KIAA0586: variants seen among roughly 807,000 people sequenced by gnomAD.
KIAA0586 encodes the protein protein TALPID3.
A neutral mutation model predicts 169.8 loss-of-function variants in KIAA0586; 144 were observed. That is an observed-to-expected ratio of 0.85 (90% CI 0.74 to 0.97). The LOEUF (loss-of-function observed/expected upper bound fraction) is 0.97. Ranked by LOEUF, KIAA0586 falls within the 50% of genes least tolerant of loss-of-function variation. KIAA0586 has a pLI of 0.00. For synonymous variants in KIAA0586, 625 were observed against 612.4 expected, an observed-to-expected ratio of 1.02 and a Z score of -0.30; for missense variants, 1,854 against 1,823.0, an observed-to-expected ratio of 1.02 and a Z score of -0.31.
chr14:58,503,916 A>T (rs1302372059), intron 27 of KIAA0586, among the ~76,000 whole-genome samples: 5 of 152,152 alleles, frequency 3.3e-5, no homozygotes, highest in Non-Finnish European at 7.4e-5. Context: ...AAACCAGGTC[A>T]TGAAAAGCCC....
chr14:58,471,772 TGATTA>T (rs2041230796), intron 17 of KIAA0586, among the ~76,000 whole-genome samples: 1 of 152,168 alleles, frequency 6.6e-6, no homozygotes, highest in Admixed American at 6.5e-5. Flanking sequence ...TGAGGCCTAA[TGATTA>T]GATTTGTAAA....
intron 29 of KIAA0586, among the ~76,000 whole-genome samples, chr14:58,519,240 T>C (rs2045005269): frequency 1.3e-5 from 2 of 152,120 alleles, no homozygotes; most frequent in African/African-American, 4.8e-5. Flanking sequence ...GCCATGCAGG[T>C]AGTTTTGTTT....
At chr14:58,545,049 A>T (rs1374083428) in intron 30 of KIAA0586, among the ~76,000 whole-genome samples, 1 of 152,142 alleles carries the variant, frequency 6.6e-6, no homozygotes, top group Non-Finnish European at 1.5e-5. Context: ...CTTCTTGAGG[A>T]TGAGGACTCT....
Position 58,502,432 on chromosome 14 carries a change from G to A in KIAA0586, c.4168+3472G>A, listed in dbSNP as rs371120469. 4.3e-4 allele frequency among the ~76,000 whole-genome samples: 65 copies of A among 152,240 alleles called. 1 individual carries two copies. Among genetic ancestry groups the A allele is most frequent in the East Asian group, 3.9e-3 (20 of 5,180 alleles). Reference sequence around the variant, plus strand: ...TGGGATTACACGTGTGAGCCACTGCGCCCAGCTGATAATGTCTTTTATAAC... The same window carrying A: ...TGGGATTACACGTGTGAGCCACTGCACCCAGCTGATAATGTCTTTTATAAC... On this transcript the variant is annotated intron_variant, in intron 27 of 30. Coordinates refer to ENST00000652326, the MANE Select transcript of KIAA0586 (RefSeq NM_001329943.3).
At position 58,429,446 on chromosome 14, in the gene KIAA0586, A is replaced by G; in HGVS notation, c.270+13A>G. On this transcript the variant is annotated intron_variant, in intron 2 of 30. Transcript: ENST00000652326. ...GGTGTCAGAAAGTGTAAGCAAAAGG[A>G]TTCTTAATTATGCTCACGTTAAAAT... The G allele has an allele frequency of 6.9e-7, 1 of 1,444,226 alleles. No homozygotes were observed. Among genetic ancestry groups the G allele is most frequent in the Non-Finnish European group, 9.7e-7 (1 of 1,026,650 alleles). 89.5% of individuals were successfully genotyped at this position (1,444,226 alleles called of 1,614,324 possible).
chr14:58,518,771 G>C (rs1486005260), intron 29 of KIAA0586, among the ~76,000 whole-genome samples: 1 of 152,078 alleles, frequency 6.6e-6, no homozygotes, highest in Admixed American at 6.6e-5. Context: ...GATTGAAAAC[G>C]TCTTATTCAT....
rs190632950 is a variant in KIAA0586, at chr14:58,481,395, A to G, written c.2945-1118A>G. On this transcript the variant is annotated intron_variant, in intron 20 of 30. Transcript: ENST00000652326. ...TAAGTGAGAAGTACAACCCATTCAG[A>G]TATTAATATACCTATAGGACATCTG... is the stretch of plus-strand genomic sequence containing the variant. Among the ~76,000 whole-genome samples the G allele has an allele frequency of 2.5e-3, 383 of 152,330 alleles. 1 individual carries two copies. The highest frequency in any genetic ancestry group is 4.7e-3 in the Non-Finnish European group (317 of 68,020).
At position 58,492,027 on chromosome 14, in the gene KIAA0586, C is replaced by T. The variant is rs547693094; in HGVS notation, c.3859-117C>T. 62 of 746,696 alleles carry T rather than the reference C, an allele frequency of 8.3e-5. No homozygotes were observed. In the African/African-American group the frequency reaches 1.0e-3, roughly 12 times the overall value. 46.3% of individuals were successfully genotyped at this position (746,696 alleles called of 1,614,324 possible). On this transcript the variant is annotated intron_variant, in intron 25 of 30. Coordinates refer to ENST00000652326, the MANE Select transcript of KIAA0586 (RefSeq NM_001329943.3). Reference sequence around the variant, plus strand: ...TGAAAATAAAGAGTTCATCTCCTTTCCAAAAATGCTAATATCATCATCTCA... The same window carrying T: ...TGAAAATAAAGAGTTCATCTCCTTTTCAAAAATGCTAATATCATCATCTCA...
At chr14:58,512,262 C>T (rs1566924557) in intron 28 of KIAA0586, among the ~76,000 whole-genome samples, 1 of 151,930 alleles carries the variant, frequency 6.6e-6, no homozygotes, top group Admixed American at 6.6e-5. Flanking sequence ...TGAAAATAGA[C>T]AGAAATGACT....
At chr14:58,561,886 C>G in the KIAA0586 span, among the ~76,000 whole-genome samples, 1 of 152,054 alleles carries the variant, frequency 6.6e-6, no homozygotes, top group Non-Finnish European at 1.5e-5. Context: ...GAATTCATTT[C>G]GTACACAAGA....
At chr14:58,545,427 C>T (rs1216559314) in intron 30 of KIAA0586, among the ~76,000 whole-genome samples, 2 of 152,058 alleles carry the variant, frequency 1.3e-5, no homozygotes, top group Non-Finnish European at 1.5e-5. Context: ...AAGGTATATA[C>T]AAAGTGGTTT....
intron 26 of KIAA0586, among the ~76,000 whole-genome samples, chr14:58,495,387 G>A (rs568418373): frequency 2.0e-5 from 3 of 151,894 alleles, no homozygotes; most frequent in African/African-American, 4.8e-5. Context: ...CTGCAGCCTC[G>A]AACTCTTGGA....
chr14:58,483,245 C>A (rs1198418627), intron 21 of KIAA0586, among the ~76,000 whole-genome samples: 1 of 152,112 alleles, frequency 6.6e-6, no homozygotes. Flanking sequence ...GTATGATTGG[C>A]CTCTTGCAGT....
intron 30 of KIAA0586, among the ~76,000 whole-genome samples, chr14:58,542,051 T>G (rs907545961): frequency 1.3e-5 from 2 of 152,186 alleles, no homozygotes; most frequent in Non-Finnish European, 2.9e-5. Context: ...AAAAAATTAA[T>G]TTTTTTATGA....
At chr14:58,531,333 A>AT (rs992178978) in intron 29 of KIAA0586, among the ~76,000 whole-genome samples, 5 of 150,998 alleles carry the variant, frequency 3.3e-5, no homozygotes, top group African/African-American at 1.2e-4. Flanking sequence ...TCTCAAAAAA[A>AT]AAAAAAAATA....
chr14:58,457,493 C>G (rs2039967380), intron 10 of KIAA0586, among the ~76,000 whole-genome samples: 1 of 152,168 alleles, frequency 6.6e-6, no homozygotes, highest in African/African-American at 2.4e-5. Flanking sequence ...GTCTTGAACT[C>G]CTGACCTCAG....
chr14:58,461,393 A>G (rs565743480), intron 14 of KIAA0586, among the ~76,000 whole-genome samples: 1 of 152,302 alleles, frequency 6.6e-6, no homozygotes, highest in South Asian at 2.1e-4. Flanking sequence ...TGGCATCTTC[A>G]GATAAAGCAT....
At chr14:58,502,071 A>C (rs2141347224) in intron 27 of KIAA0586, among the ~76,000 whole-genome samples, 1 of 152,312 alleles carries the variant, frequency 6.6e-6, no homozygotes, top group East Asian at 1.9e-4. Context: ...AGGGCCGTGA[A>C]TGATGTGGTA....
At chr14:58,470,586 A>G (rs2041134452) in intron 16 of KIAA0586, 27 bp from the exon 17 acceptor site, 2 of 1,334,978 alleles carry the variant, frequency 1.5e-6, no homozygotes, top group African/African-American at 1.4e-5. Context: ...TGATAAACAG[A>G]AAGCTGAATG....
Sources: gnomAD v4.1 joint callset for allele counts (sites outside exome capture counted in the v4.1 genomes callset) on GRCh38, gnomAD v4.1.1 for gene constraint, MANE v1.5 for transcripts, NCBI Gene and HGNC (gene_info 2026-07-23, HGNC 2026-07-21) for gene names.